RBFOX1: variants seen among roughly 807,000 people sequenced by gnomAD.
RBFOX1 encodes RNA binding protein fox-1 homolog 1.
RBFOX1 carries 8 observed loss-of-function variants against 57.7 expected under a neutral mutation model. The observed-to-expected ratio is 0.14, with a 90% confidence interval of 0.08 to 0.25. The LOEUF is 0.25. Ranked by LOEUF, RBFOX1 falls within the 10% of genes least tolerant of loss-of-function variation. The pLI, the probability that RBFOX1 is intolerant of heterozygous loss-of-function variation, is 1.00. For missense variants in RBFOX1, 611 were observed against 548.5 expected (o/e 1.11, Z -1.14); for synonymous variants, 326 against 222.4 (o/e 1.47, Z -4.15).
chr16:6,874,058 C>T (rs991061428), intron 3 of RBFOX1: 2 of 152,102 alleles, frequency 1.3e-5, no homozygotes, highest in East Asian at 1.9e-4. Context: ...GAAAAGAAGT[C>T]ATTATATGAA....
intron 2 of RBFOX1, among the ~76,000 whole-genome samples, chr16:6,623,044 T>G (rs2098255707): frequency 1.3e-5 from 2 of 152,212 alleles, no homozygotes; most frequent in Non-Finnish European, 2.9e-5. Flanking sequence ...GCAAAAGACC[T>G]TTGTCAGTCC....
In RBFOX1 at chr16:6,568,048, C is replaced by T. The variant is rs569648430; in HGVS notation, c.-63-86555C>T. Among the ~76,000 whole-genome samples the T allele has an allele frequency of 2.0e-5, 3 of 152,292 alleles. No individual in the cohort carries two copies. In the South Asian group the frequency reaches 6.2e-4, roughly 32 times the overall value. On this transcript the variant is annotated intron_variant, in intron 2 of 15. Coordinates refer to ENST00000550418, the MANE Select transcript of RBFOX1 (RefSeq NM_018723.4). ...TGTTGAACAGGCTGGCCTTGAACTT[C>T]TGGCCTGAAGTGGTCCACTATTTAA...
At chr16:6,938,586 TC>T (rs35147916) in intron 3 of RBFOX1, among the ~76,000 whole-genome samples, 1 of 151,826 alleles carries the variant, frequency 6.6e-6, no homozygotes, top group Non-Finnish European at 1.5e-5. Flanking sequence ...CATTTTTTTT[TC>T]CTCTGGCTAT....
At chr16:6,634,784 A>G (rs1210785654) in intron 2 of RBFOX1, among the ~76,000 whole-genome samples, 8 of 138,758 alleles carry the variant, frequency 5.8e-5, no homozygotes, top group Admixed American at 5.1e-4. Flanking sequence ...AATATATAAT[A>G]CAAAGATATA....
At chr16:6,232,641 G>C (rs1220523823) in intron 1 of RBFOX1, among the ~76,000 whole-genome samples, 1 of 152,176 alleles carries the variant, frequency 6.6e-6, no homozygotes, top group Non-Finnish European at 1.5e-5. Flanking sequence ...TAGAAACTAG[G>C]AACAGAGGAG....
At chr16:5,329,251 C>G (rs1204104315) in intron 1 of RBFOX1, among the ~76,000 whole-genome samples, 1 of 152,156 alleles carries the variant, frequency 6.6e-6, no homozygotes, top group African/African-American at 2.4e-5. Flanking sequence ...TTAATTGTCT[C>G]ATGGTTCCAC....
At chr16:5,826,517 G>T (rs1461235516) in intron 3 of RBFOX1, among the ~76,000 whole-genome samples, 14 of 152,164 alleles carry the variant, frequency 9.2e-5, no homozygotes, top group Admixed American at 9.2e-4. Context: ...CTACCATTTG[G>T]CATGAAAGCA....
chr16:7,701,303 G>T (rs983246476), intron 14 of RBFOX1, among the ~76,000 whole-genome samples: 3 of 152,000 alleles, frequency 2.0e-5, no homozygotes, highest in African/African-American at 7.3e-5. Context: ...CAGGTGGTGA[G>T]CGGGGTGGGG....
Position 6,848,276 on chromosome 16 carries a change from C to G in RBFOX1, c.-16+193626C>G, listed in dbSNP as rs528634964. Among the ~76,000 whole-genome samples, 152 of 152,162 alleles carry G rather than the reference C, an allele frequency of 1.0e-3. 1 individual carries two copies. The highest frequency in any genetic ancestry group is 3.6e-3 in the African/African-American group (150 of 41,514). On this transcript the variant is annotated intron_variant, in intron 3 of 15. Transcript: ENST00000550418. ...ACTTCACAGCTGCAGCTGATTGTGA[C>G]CATGTGGGAAGGTGGGCATAGTATG... is the stretch of plus-strand genomic sequence containing the variant.
intron 3 of RBFOX1, among the ~76,000 whole-genome samples, chr16:5,650,707 G>C (rs1567347338): frequency 6.6e-6 from 1 of 151,980 alleles, no homozygotes; most frequent in African/African-American, 2.4e-5. Context: ...TCCTCTCTCT[G>C]TCTCTCTCTG....
intron 2 of RBFOX1, among the ~76,000 whole-genome samples, chr16:6,597,970 G>A (rs571445163): frequency 4.6e-5 from 7 of 152,158 alleles, no homozygotes; most frequent in African/African-American, 9.7e-5. Flanking sequence ...TAATAACACC[G>A]GGAGTTGCTC....
intron 3 of RBFOX1, among the ~76,000 whole-genome samples, chr16:5,684,703 C>T (rs1243399275): frequency 6.6e-6 from 1 of 152,192 alleles, no homozygotes; most frequent in Non-Finnish European, 1.5e-5. Flanking sequence ...GCCGTTGAAG[C>T]TATCAAACGA....
At chr16:6,569,012 A>T (rs2097306791) in intron 2 of RBFOX1, among the ~76,000 whole-genome samples, 1 of 152,118 alleles carries the variant, frequency 6.6e-6, no homozygotes, top group Non-Finnish European at 1.5e-5. Context: ...ACCTTAAATG[A>T]TCTGCCTACC....
At chr16:5,532,313 C>T (rs764307156) in intron 2 of RBFOX1, among the ~76,000 whole-genome samples, 1 of 152,176 alleles carries the variant, frequency 6.6e-6, no homozygotes, top group Non-Finnish European at 1.5e-5. Flanking sequence ...AGCAACATCG[C>T]CATCACTTGA....
chr16:7,474,716 A>C (rs2062277075), intron 4 of RBFOX1, among the ~76,000 whole-genome samples: 1 of 151,960 alleles, frequency 6.6e-6, no homozygotes, highest in Admixed American at 6.6e-5. Context: ...CCAGTTCTTA[A>C]TTTTTCTTCT....
chr16:5,644,645 C>G (rs1206415795), intron 3 of RBFOX1, among the ~76,000 whole-genome samples: 1 of 152,190 alleles, frequency 6.6e-6, no homozygotes, highest in East Asian at 1.9e-4. Context: ...ATTTTTTCCT[C>G]CACAAATTGT....
At chr16:6,627,931 A>C (rs766023859) in intron 2 of RBFOX1, among the ~76,000 whole-genome samples, 1 of 152,208 alleles carries the variant, frequency 6.6e-6, no homozygotes, top group Non-Finnish European at 1.5e-5. Context: ...GCCATCCTCA[A>C]CTGTCTCCTG....
chr16:6,613,969 C>G (rs760376761), intron 2 of RBFOX1, among the ~76,000 whole-genome samples: 2 of 152,106 alleles, frequency 1.3e-5, no homozygotes, highest in Non-Finnish European at 2.9e-5. Context: ...AAGATAGATT[C>G]AGATACTGCA....
At chr16:6,956,932 C>G (rs1449708676) in intron 3 of RBFOX1, among the ~76,000 whole-genome samples, 1 of 151,666 alleles carries the variant, frequency 6.6e-6, no homozygotes, top group Non-Finnish European at 1.5e-5. Flanking sequence ...GATCCAGACC[C>G]CAAGTGAGAG....
Sources: allele counts gnomAD v4.1 joint callset (sites outside exome capture counted in the v4.1 genomes callset), GRCh38; gene constraint gnomAD v4.1.1; transcripts MANE v1.5; gene names NCBI Gene and HGNC (gene_info 2026-07-23, HGNC 2026-07-21).